The following PRKN variants were observed in gnomAD, a reference collection of about 807,000 sequenced individuals.
PRKN encodes the protein parkin RBR E3 ubiquitin protein ligase, also known as E3 ubiquitin-protein ligase parkin.
In PRKN, 56 loss-of-function variants were observed where a neutral mutation model predicts 59.5. That is an observed-to-expected ratio of 0.94 (90% CI 0.76 to 1.18). The LOEUF (loss-of-function observed/expected upper bound fraction) is 1.18, where lower values mean the gene tolerates loss of function less well. PRKN is among the 50% of genes most tolerant of loss of function. The probability of loss-of-function intolerance (pLI) is 0.00; values close to 1 mark genes in which losing one functional copy is unlikely to be tolerated. For missense variants in PRKN, 657 were observed against 596.4 expected, an observed-to-expected ratio of 1.10 and a Z score of -1.06; for synonymous variants, 250 against 222.1, an observed-to-expected ratio of 1.13 and a Z score of -1.12.
intron 10 of PRKN, among the ~76,000 whole-genome samples, chr6:161,367,355 C>T (rs1034177385): frequency 1.2e-4 from 19 of 152,026 alleles, no homozygotes; most frequent in African/African-American, 4.6e-4. Context: ...CTTTCTTTTG[C>T]AGTGGGGGTG....
At chr6:161,878,774 A>G (rs909933137) in intron 6 of PRKN, among the ~76,000 whole-genome samples, 2 of 152,190 alleles carry the variant, frequency 1.3e-5, no homozygotes, top group Admixed American at 6.5e-5. Flanking sequence ...ACTGATGAAC[A>G]TATTTGTGAG....
chr6:162,286,116 A>T (rs1265483131), intron 2 of PRKN, among the ~76,000 whole-genome samples: 1 of 152,196 alleles, frequency 6.6e-6, no homozygotes, highest in Non-Finnish European at 1.5e-5. Context: ...CCAAAATTTT[A>T]AAATGATATC....
In PRKN at chr6:161,498,583, G is replaced by A. The variant is rs143091305; in HGVS notation, c.1083+50271C>T. On this transcript the variant is annotated intron_variant, in intron 9 of 11. Coordinates refer to ENST00000366898, the MANE Select transcript of PRKN (RefSeq NM_004562.3). This position sits in a 1 kb window ranked among gnomAD's most constrained non-coding sequence, Gnocchi z 4.2. ...CAATGACATGTGTAACTTGAGGCCA[G>A]AGCCTTTAATTTCTGGCACTCAACT... is the stretch of plus-strand genomic sequence containing the variant. 8.3e-4 allele frequency among the ~76,000 whole-genome samples: 127 copies of A among 152,256 alleles called. No individual in the cohort carries two copies. The highest frequency in any genetic ancestry group is 2.9e-3 in the African/African-American group (122 of 41,536).
Position 162,443,062 on chromosome 6 carries a change from G to A in PRKN, c.171+248C>T, listed in dbSNP as rs112942853. On this transcript the variant is annotated intron_variant, in intron 2 of 11. Coordinates refer to ENST00000366898, the MANE Select transcript of PRKN (RefSeq NM_004562.3). ...TAGTCAGTAGACATTTATTCACTAA[G>A]CCTAGCTCGTGTGTTCTTTCTCTCT... Among the ~76,000 whole-genome samples, 4,721 of 152,228 alleles carry A rather than the reference G, an allele frequency of 0.031. 271 individuals are homozygous for A. Among genetic ancestry groups the A allele is most frequent in the African/African-American group, 0.11 (4,408 of 41,506 alleles).
At chr6:161,574,142 C>T (rs10945758) in intron 7 of PRKN, among the ~76,000 whole-genome samples, 93,035 of 151,776 alleles carry the variant, frequency 0.61, 28,864 homozygotes, top group East Asian at 0.7. Flanking sequence ...AGACCGTGGA[C>T]GGCTATCTGC....
At chr6:162,178,557 T>G (rs2128322095) in intron 4 of PRKN, among the ~76,000 whole-genome samples, 1 of 152,306 alleles carries the variant, frequency 6.6e-6, no homozygotes, top group South Asian at 2.1e-4. Context: ...AAGTACCTAC[T>G]ACCAAGCTAT....
rs776673693 is a variant in PRKN, at chr6:161,417,234, G to A, written c.1084-30357C>T. On this transcript the variant is annotated intron_variant, in intron 9 of 11. Coordinates refer to ENST00000366898, the MANE Select transcript of PRKN (RefSeq NM_004562.3). The surrounding 1 kb of genome is among the most constrained non-coding windows in gnomAD (Gnocchi z 5.4). ...TGGGAGGCCGAGGCTGCCAAATCAC[G>A]AGGTCAAGAGATCAAGACCATTCTG... Among the ~76,000 whole-genome samples the A allele has an allele frequency of 1.3e-5, 2 of 152,076 alleles. No individual in the cohort carries two copies. The highest frequency in any genetic ancestry group is 1.3e-4 in the Admixed American group (2 of 15,276).
intron 4 of PRKN, among the ~76,000 whole-genome samples, chr6:162,127,019 A>G (rs1336887934): frequency 6.6e-6 from 1 of 152,188 alleles, no homozygotes; most frequent in Non-Finnish European, 1.5e-5. Flanking sequence ...ATCTGCACCA[A>G]TGTAGTGTCA....
chr6:162,489,680 C>T (rs911847272), intron 1 of PRKN, among the ~76,000 whole-genome samples: 7 of 152,164 alleles, frequency 4.6e-5, no homozygotes, highest in Non-Finnish European at 1.0e-4. Flanking sequence ...TTTCCCACCC[C>T]CTGGTCACTA....
rs186071976 is a variant in PRKN, at chr6:162,611,907, G to A, written c.7+115755C>T. Among the ~76,000 whole-genome samples the A allele has an allele frequency of 2.8e-4, 43 of 152,040 alleles. No individual in the cohort carries two copies. The East Asian group carries it at 2.9e-3, about 10-fold the overall frequency. ...AGTGTATATAAAGAAATGATACAGC[G>A]GGGCGTGGTGGCTCACGCCTGTAAT... On this transcript the variant is annotated intron_variant, in intron 1 of 11. Coordinates refer to ENST00000366898, the MANE Select transcript of PRKN (RefSeq NM_004562.3).
At chr6:161,896,243 G>A (rs1253079349) in intron 6 of PRKN, among the ~76,000 whole-genome samples, 10 of 152,138 alleles carry the variant, frequency 6.6e-5, no homozygotes, top group Admixed American at 6.5e-4. Flanking sequence ...CTTGAACCTG[G>A]GCAGACTCTG....
intron 3 of PRKN, among the ~76,000 whole-genome samples, chr6:162,235,377 G>C (rs1233001900): frequency 6.6e-6 from 1 of 152,092 alleles, no homozygotes; most frequent in Non-Finnish European, 1.5e-5. Flanking sequence ...TGAGTCTTAC[G>C]ACATGCCTCC....
At chr6:161,831,007 G>A (rs938835177) in intron 6 of PRKN, among the ~76,000 whole-genome samples, 11 of 152,114 alleles carry the variant, frequency 7.2e-5, no homozygotes, top group Non-Finnish European at 1.6e-4. Flanking sequence ...CCACATTCTG[G>A]TTCATCTCAC....
At chr6:161,838,487 T>C (rs1792851925) in intron 6 of PRKN, among the ~76,000 whole-genome samples, 1 of 152,176 alleles carries the variant, frequency 6.6e-6, no homozygotes, top group Non-Finnish European at 1.5e-5. Flanking sequence ...GTCTGTAAAA[T>C]GGGTTAGCAT....
chr6:161,898,845 G>A (rs1157343236), intron 6 of PRKN, among the ~76,000 whole-genome samples: 4 of 152,184 alleles, frequency 2.6e-5, no homozygotes, highest in Non-Finnish European at 5.9e-5. Context: ...GCAAATGTAC[G>A]CTTGTGGCTT....
intron 2 of PRKN, chr6:162,266,488 T>TGAC (rs1351742022): frequency 1.3e-5 from 2 of 152,084 alleles, no homozygotes; most frequent in African/African-American, 4.8e-5. Context: ...AAAAAGTGAA[T>TGAC]GACTGAAGGG....
chr6:162,542,591 T>C (rs1778968546), intron 1 of PRKN, among the ~76,000 whole-genome samples: 1 of 152,186 alleles, frequency 6.6e-6, no homozygotes. Context: ...AAAACAGATC[T>C]GAGGCTCAAA....
chr6:161,940,104 C>T (rs567565805), intron 6 of PRKN, among the ~76,000 whole-genome samples: 26 of 152,142 alleles, frequency 1.7e-4, no homozygotes, highest in African/African-American at 5.5e-4. Context: ...CCATGTTGGT[C>T]AGGCTGGTCT....
chr6:162,655,059 T>C (rs1208450533), intron 1 of PRKN, among the ~76,000 whole-genome samples: 1 of 152,150 alleles, frequency 6.6e-6, no homozygotes, highest in Non-Finnish European at 1.5e-5. Context: ...ATTTTAATAA[T>C]TAGAAAATGC....
Sources: gnomAD v4.1 joint callset for allele counts (sites outside exome capture counted in the v4.1 genomes callset) on GRCh38, gnomAD v4.1.1 for gene constraint, Gnocchi (gnomAD v3.1) non-coding constraint, MANE v1.5 for transcripts, NCBI Gene and HGNC (gene_info 2026-07-23, HGNC 2026-07-21) for gene names.